Variants in TAS2R1 observed in about 807,000 individuals in gnomAD.
The protein encoded by TAS2R1 is taste receptor type 2 member 1.
For missense variants in TAS2R1, 370 were observed against 353.4 expected, an observed-to-expected ratio of 1.05 and a Z score of -0.38; for synonymous variants, 141 against 134.2, an observed-to-expected ratio of 1.05 and a Z score of -0.35.
At chr5:9,636,557 T>G (rs937664792) in intron 2 of TAS2R1, among the ~76,000 whole-genome samples, 1 of 152,056 alleles carries the variant, frequency 6.6e-6, no homozygotes, top group South Asian at 2.1e-4. Flanking sequence ...CTCATCTATC[T>G]CATTTCTTAG....
At chr5:9,753,688 A>G in the TAS2R1 span, among the ~76,000 whole-genome samples, 10 of 152,326 alleles carry the variant, frequency 6.6e-5, no homozygotes, top group South Asian at 4.1e-4. Flanking sequence ...CAGGTCTAAC[A>G]TTTAAGTCTT....
chr5:9,827,571 T>TACACACACACACAC, the TAS2R1 span, among the ~76,000 whole-genome samples: 5 of 149,326 alleles, frequency 3.3e-5, no homozygotes, highest in East Asian at 2.0e-4. Flanking sequence ...TCCATCCCTA[T>TACACACACACACAC]ACACACACAC....
At chr5:9,897,243 G>A in the TAS2R1 span, among the ~76,000 whole-genome samples, 1 of 152,174 alleles carries the variant, frequency 6.6e-6, no homozygotes, top group Non-Finnish European at 1.5e-5. Flanking sequence ...AAGGTCAGGA[G>A]TTCCAGACCA....
intron 1 of TAS2R1, among the ~76,000 whole-genome samples, chr5:9,699,305 G>T (rs1741426685): frequency 1.3e-5 from 2 of 152,232 alleles, no homozygotes; most frequent in South Asian, 4.1e-4. Context: ...TCAAAGTGAT[G>T]AAGCTGAGCA....
the TAS2R1 span, among the ~76,000 whole-genome samples, chr5:9,848,823 C>T: frequency 6.6e-6 from 1 of 152,084 alleles, no homozygotes. Context: ...GCTAGGTCAG[C>T]TCTACCTCTT....
At chr5:9,651,473 C>T (rs78659935) in intron 2 of TAS2R1, among the ~76,000 whole-genome samples, 5,430 of 152,112 alleles carry the variant, frequency 0.036, 149 homozygotes, top group African/African-American at 0.071. Flanking sequence ...ACACCTAATA[C>T]GCTAAATACT....
chr5:9,672,510 A>G (rs1409774781), intron 1 of TAS2R1, among the ~76,000 whole-genome samples: 1 of 152,156 alleles, frequency 6.6e-6, no homozygotes, highest in Non-Finnish European at 1.5e-5. Context: ...ACATACACAC[A>G]ATCAACAATC....
the TAS2R1 span, among the ~76,000 whole-genome samples, chr5:9,745,312 T>C: frequency 3.3e-5 from 5 of 152,272 alleles, no homozygotes; most frequent in African/African-American, 1.2e-4. Flanking sequence ...TGAGATATTA[T>C]GGTTGAGTAT....
chr5:9,837,808 C>T, the TAS2R1 span, among the ~76,000 whole-genome samples: 3 of 152,246 alleles, frequency 2.0e-5, no homozygotes, highest in African/African-American at 7.2e-5. Context: ...CTGATTATTG[C>T]AGCATCTGGG....
intron 1 of TAS2R1, among the ~76,000 whole-genome samples, chr5:9,690,616 G>T (rs558852246): frequency 6.6e-6 from 1 of 152,048 alleles, no homozygotes; most frequent in East Asian, 1.9e-4. Flanking sequence ...TGTCAGAGGG[G>T]GGGAAAAAAG....
the TAS2R1 span, among the ~76,000 whole-genome samples, chr5:9,731,920 G>T: frequency 1.3e-5 from 2 of 152,232 alleles, no homozygotes; most frequent in South Asian, 2.1e-4. Context: ...GCTAGTTATG[G>T]TTAACGCTGT....
chr5:9,728,885 G>T, the TAS2R1 span, among the ~76,000 whole-genome samples: 5 of 152,264 alleles, frequency 3.3e-5, no homozygotes, highest in African/African-American at 1.2e-4. Flanking sequence ...ACTGAGGCCC[G>T]GCGCAGTTAG....
chr5:9,851,843 T>C, the TAS2R1 span, among the ~76,000 whole-genome samples: 1 of 152,202 alleles, frequency 6.6e-6, no homozygotes, highest in Non-Finnish European at 1.5e-5. Context: ...CTGGTCACAC[T>C]AGGGGCGTCA....
the TAS2R1 span, among the ~76,000 whole-genome samples, chr5:9,719,760 CAAA>C: frequency 3.1e-3 from 461 of 149,416 alleles, 1 homozygote; most frequent in African/African-American, 0.011. Context: ...ACTAAAAATA[CAAA>C]AAAAATTAGC....
chr5:9,792,551 C>T, the TAS2R1 span, among the ~76,000 whole-genome samples: 11 of 152,316 alleles, frequency 7.2e-5, no homozygotes, highest in South Asian at 2.1e-4. Flanking sequence ...ATTGACAACA[C>T]GACTTTCATT....
At chr5:9,879,459 T>A in the TAS2R1 span, among the ~76,000 whole-genome samples, 1 of 152,264 alleles carries the variant, frequency 6.6e-6, no homozygotes, top group Middle Eastern at 3.4e-3. Context: ...TGGGATCCAG[T>A]TCTTCTCGTG....
chr5:9,774,457 G>A, the TAS2R1 span, among the ~76,000 whole-genome samples: 1 of 152,178 alleles, frequency 6.6e-6, no homozygotes, highest in African/African-American at 2.4e-5. Context: ...GTGAGATCAC[G>A]TTTTCCTGGA....
chr5:9,869,339 C>T, the TAS2R1 span, among the ~76,000 whole-genome samples: 1 of 152,074 alleles, frequency 6.6e-6, no homozygotes, highest in Non-Finnish European at 1.5e-5. Context: ...TGGCAAAAGG[C>T]GAAGGAAGAG....
At chr5:9,686,826 C>G (rs1741133926) in intron 1 of TAS2R1, among the ~76,000 whole-genome samples, 1 of 152,032 alleles carries the variant, frequency 6.6e-6, no homozygotes, top group Admixed American at 6.5e-5. Context: ...AAATTTAAAG[C>G]CATATCTATC....
Sources: allele counts gnomAD v4.1 joint callset (sites outside exome capture counted in the v4.1 genomes callset), GRCh38; gene constraint gnomAD v4.1.1; transcripts MANE v1.5; gene names NCBI Gene and HGNC (gene_info 2026-07-23, HGNC 2026-07-21).